The following RELN variants were observed in gnomAD, a reference collection of about 807,000 sequenced individuals.
RELN encodes the protein reelin.
A neutral mutation model predicts 427.6 loss-of-function variants in RELN; 108 were observed. The observed-to-expected ratio is 0.25, with a 90% CI of 0.22 to 0.30. The LOEUF is 0.30. Among genes scored for constraint, RELN ranks in the 10% least tolerant of loss-of-function variants. RELN has a pLI of 1.00. For synonymous variants in RELN, 1,524 were observed against 1,513.4 expected (o/e 1.01, Z -0.16); for missense variants, 3,715 against 4,302.8 (o/e 0.86, Z 3.82).
At chr7:103,804,021 C>G (rs1792533341) in intron 3 of RELN, among the ~76,000 whole-genome samples, 1 of 152,030 alleles carries the variant, frequency 6.6e-6, no homozygotes. Flanking sequence ...GAAAGAAAAT[C>G]TCCATCATGT....
intron 1 of RELN, among the ~76,000 whole-genome samples, chr7:103,969,831 G>A (rs1039120793): frequency 2.0e-5 from 3 of 152,146 alleles, no homozygotes; most frequent in African/African-American, 7.2e-5. Context: ...GTGTCACTAT[G>A]TGACATGCAA....
chr7:103,672,793 A>G (rs1178939466), intron 11 of RELN, among the ~76,000 whole-genome samples: 1 of 152,174 alleles, frequency 6.6e-6, no homozygotes, highest in Non-Finnish European at 1.5e-5. Flanking sequence ...ATATCATATT[A>G]CTGATAGTGA....
intron 52 of RELN, 134 bp downstream of exon 52, chr7:103,502,882 G>C: frequency 1.3e-6 from 1 of 776,076 alleles, no homozygotes; most frequent in South Asian, 1.5e-5. Flanking sequence ...TAACCAATTA[G>C]AGAACCTTTA....
intron 8 of RELN, among the ~76,000 whole-genome samples, chr7:103,720,973 A>T (rs557673376): frequency 7.2e-5 from 11 of 152,278 alleles, no homozygotes; most frequent in African/African-American, 2.6e-4. Flanking sequence ...TTTCTTTGCC[A>T]TTCTAACTCT....
At chr7:103,555,614 G>A (rs1412229245) in intron 38 of RELN, among the ~76,000 whole-genome samples, 1 of 152,096 alleles carries the variant, frequency 6.6e-6, no homozygotes, top group Admixed American at 6.5e-5. Context: ...TGGGATTACA[G>A]GTGTGTGCCA....
At chr7:103,655,248 G>A (rs1833001406) in intron 12 of RELN, among the ~76,000 whole-genome samples, 1 of 152,008 alleles carries the variant, frequency 6.6e-6, no homozygotes, top group Non-Finnish European at 1.5e-5. Context: ...AAACAGCTGG[G>A]ACTATGGGCA....
At chr7:103,609,587 A>G (rs1831900480) in intron 22 of RELN, among the ~76,000 whole-genome samples, 1 of 152,222 alleles carries the variant, frequency 6.6e-6, no homozygotes, top group Non-Finnish European at 1.5e-5. Context: ...GTGGAAATCA[A>G]ATTTCAAGCA....
chr7:103,875,726 C>T (rs1201402143), intron 2 of RELN, among the ~76,000 whole-genome samples: 2 of 151,832 alleles, frequency 1.3e-5, no homozygotes, highest in Non-Finnish European at 2.9e-5. Context: ...CTGGAAATGT[C>T]AAAGATTGCA....
chr7:103,566,417 A>T lies in RELN; in HGVS notation c.4748-5T>A, dbSNP rs772577338. 2 of 1,613,662 alleles carry T rather than the reference A, an allele frequency of 1.2e-6. No homozygotes were observed. On this transcript the variant is annotated splice_polypyrimidine_tract_variant and splice_region_variant and intron_variant, in intron 32 of 64. Coordinates refer to ENST00000428762, the MANE Select transcript of RELN (RefSeq NM_005045.4). Reference sequence around the variant, plus strand: ...CCCACTGGGCTGAATGCTTCCCTGCAATCAGATGAATAAAGGTGGTTAGAG... The same window carrying T: ...CCCACTGGGCTGAATGCTTCCCTGCTATCAGATGAATAAAGGTGGTTAGAG...
intron 3 of RELN, among the ~76,000 whole-genome samples, chr7:103,789,381 A>G (rs1792100998): frequency 6.6e-6 from 1 of 152,200 alleles, no homozygotes; most frequent in Non-Finnish European, 1.5e-5. Context: ...AGCAAAAGAA[A>G]CTATCATTAG....
chr7:103,806,343 T>C (rs932863959), intron 3 of RELN, among the ~76,000 whole-genome samples: 29 of 152,056 alleles, frequency 1.9e-4, no homozygotes, highest in African/African-American at 5.3e-4. Context: ...TCTTTTTTTT[T>C]AGACAGAGTC....
intron 7 of RELN, among the ~76,000 whole-genome samples, chr7:103,727,858 C>G (rs1462214585): frequency 6.6e-6 from 1 of 151,982 alleles, no homozygotes; most frequent in African/African-American, 2.4e-5. Flanking sequence ...TTTTAAAAAG[C>G]CATCTAATCA....
chr7:103,630,851 G>GTTATTTTTT (rs1832441336), intron 19 of RELN, among the ~76,000 whole-genome samples: 1 of 20,548 alleles, frequency 4.9e-5, no homozygotes, highest in African/African-American at 2.0e-4. Flanking sequence ...TTATTTTTTT[G>GTTATTTTTT]TTTTTTTTGT....
chr7:103,860,094 T>C (rs992818078), intron 2 of RELN, among the ~76,000 whole-genome samples: 12 of 152,214 alleles, frequency 7.9e-5, no homozygotes, highest in Non-Finnish European at 1.5e-4. Context: ...AAATCAGTCA[T>C]ACGTTGTTCA....
At chr7:103,503,988 G>A (rs1159316472) in intron 51 of RELN, among the ~76,000 whole-genome samples, 2 of 150,772 alleles carry the variant, frequency 1.3e-5, no homozygotes, top group African/African-American at 2.4e-5. Flanking sequence ...GGTGGATCAC[G>A]AGGTCAGGAG....
At chr7:103,701,679 T>G (rs950884124) in intron 8 of RELN, among the ~76,000 whole-genome samples, 4 of 152,182 alleles carry the variant, frequency 2.6e-5, no homozygotes, top group African/African-American at 9.6e-5. Context: ...TGTTTCTACA[T>G]GTCGAATGAA....
At chr7:103,713,451 G>A (rs1789855156) in intron 8 of RELN, among the ~76,000 whole-genome samples, 1 of 152,118 alleles carries the variant, frequency 6.6e-6, no homozygotes, top group Non-Finnish European at 1.5e-5. Context: ...GTTGCAGTGA[G>A]TGGAAAGAGA....
chr7:103,949,913 G>T (rs963569509), intron 1 of RELN, among the ~76,000 whole-genome samples: 2 of 152,192 alleles, frequency 1.3e-5, no homozygotes, highest in Non-Finnish European at 2.9e-5. Flanking sequence ...AAATGCCAAA[G>T]AAAGCAATTT....
chr7:103,568,466 G>C (rs1466243635), intron 31 of RELN, among the ~76,000 whole-genome samples: 1 of 152,186 alleles, frequency 6.6e-6, no homozygotes, highest in African/African-American at 2.4e-5. Flanking sequence ...GCTATATACA[G>C]GTGTGGGGAT....
Sources: gnomAD v4.1 joint callset for allele counts (sites outside exome capture counted in the v4.1 genomes callset) on GRCh38, gnomAD v4.1.1 for gene constraint, MANE v1.5 for transcripts, NCBI Gene and HGNC (gene_info 2026-07-23, HGNC 2026-07-21) for gene names.